The following TSPOAP1 variants were observed in gnomAD, a reference collection of about 807,000 sequenced individuals.
TSPOAP1 encodes peripheral-type benzodiazepine receptor-associated protein 1.
Under a neutral mutation model 197.0 loss-of-function variants are expected in TSPOAP1, and 87 were observed. The observed-to-expected ratio is 0.44, with a 90% CI of 0.37 to 0.53. The LOEUF (loss-of-function observed/expected upper bound fraction) is 0.53, where lower values mean the gene tolerates loss of function less well. Among genes scored for constraint, TSPOAP1 ranks in the 20% least tolerant of loss-of-function variants. The probability of loss-of-function intolerance (pLI) is 0.00; values close to 1 mark genes in which losing one functional copy is unlikely to be tolerated. For synonymous variants in TSPOAP1, 913 were observed against 998.9 expected (o/e 0.91, Z 1.62); for missense variants, 2,174 against 2,411.3 (o/e 0.90, Z 2.06).
Position 58,323,514 on chromosome 17 carries a change from G to T in TSPOAP1, c.974C>A (p.Pro325His). Residue 325 changes from proline to histidine, a missense_variant, in exon 6 of 32, where the codon CCC (proline) becomes CAC (histidine). Pro to His is a moderately conservative substitution (Grantham distance 77). This residue lies in a region of TSPOAP1 where 1,933 missense variants were observed against 2,139.0 expected (regional missense o/e 0.90). Transcript: ENST00000343736. The stretch of plus-strand genomic sequence containing the variant: ...TTTCTCTGGCTCCCCTAGAATCACG[G>T]GTAGGTTGTCCGCATCCTCCTGGGG... Reference protein sequence around the residue: ...ATPQEDADNLPVILGEPEKEQ... With the variant: ...ATPQEDADNLHVILGEPEKEQ... 2 of 1,614,154 alleles carry T rather than the reference G, an allele frequency of 1.2e-6. No individual in the cohort carries two copies. The highest frequency in any genetic ancestry group is 2.7e-5 in the African/African-American group (2 of 75,064).
rs747975958 is a variant in TSPOAP1 at position 58,325,695 on chromosome 17, G to A, written c.589C>T (p.Arg197Trp). The A allele has an allele frequency of 2.8e-5, 45 of 1,609,558 alleles. No individual in the cohort carries two copies. The highest frequency in any genetic ancestry group is 1.7e-4 in the Middle Eastern group (1 of 5,922). Residue 197 changes from arginine (R) to tryptophan (W), a missense_variant, in exon 4 of 32, where the codon CGG (arginine) becomes TGG (tryptophan). Arg to Trp is a moderately radical substitution (Grantham distance 101). This residue lies in a region of TSPOAP1 where 1,933 missense variants were observed against 2,139.0 expected (regional missense o/e 0.90). Coordinates refer to ENST00000343736, the MANE Select transcript of TSPOAP1 (RefSeq NM_004758.4). ...CACAACTCCAAGCTGGTCCCCGGCC[G>A]GGGCAAGGGGGCACTCACCTAGCCA... ...NLRVVSAPLP[R>W]PGTSLELCRK...
chr17:58,305,489 C>T (rs1481461538), intron 28 of TSPOAP1, 31 bp from the exon 29 acceptor site: 6 of 1,613,390 alleles, frequency 3.7e-6, no homozygotes, highest in Non-Finnish European at 5.1e-6. Context: ...GCATCAGGCC[C>T]AGGAAGGCTC....
rs1016490088 is a variant in TSPOAP1, at chr17:58,301,603, G to A, written c.*877C>T. 6.5e-6 allele frequency: 1 copy of A among 152,696 alleles called. No individual in the cohort carries two copies. The highest frequency in any genetic ancestry group is 2.4e-5 in the African/African-American group (1 of 41,464). 9.5% of individuals were successfully genotyped at this position (152,696 alleles called of 1,614,324 possible). ...CCCGCTGGCCCCAGGGTCTTTGGGG[G>A]CGGGACCTTACAGGGGCCAGCAGGC... On this transcript the variant is annotated 3_prime_UTR_variant, in exon 32 of 32. Transcript: ENST00000343736.
Position 58,304,509 on chromosome 17 carries a change from T to G in TSPOAP1, c.5545-110A>C. On this transcript the variant is annotated intron_variant, in intron 30 of 31. Transcript: ENST00000343736. The surrounding 1 kb of genome is among the most constrained non-coding windows in gnomAD (Gnocchi z 4.2). ...GGTGGGCCCTACTCTCCAAGGCCTT[T>G]GTGTTCACACATGGAAGCCCTGAGT... 1.1e-5 allele frequency: 9 copies of G among 828,450 alleles called. No individual in the cohort carries two copies. Among genetic ancestry groups the G allele is most frequent in the Non-Finnish European group, 1.7e-5 (8 of 475,686 alleles). 51.3% of individuals were successfully genotyped at this position (828,450 alleles called of 1,614,324 possible).
chr17:58,309,299 A>G lies in TSPOAP1; in HGVS notation c.3973T>C (p.Cys1325Arg), dbSNP rs776467464. ...QILELPLQQF[C>R]SKKLFSIPEE... Reference sequence around the variant, plus strand: ...GGGATGCTAAAGAGCTTCTTGCTACAGAACTGCTGGAGGGGCAGCTCCAGG... The same window carrying G: ...GGGATGCTAAAGAGCTTCTTGCTACGGAACTGCTGGAGGGGCAGCTCCAGG... Residue 1325 changes from cysteine (C) to arginine (R), a missense_variant, in exon 22 of 32, where the codon TGT (cysteine) becomes CGT (arginine). Physicochemically the swap from Cys to Arg is radical, Grantham distance 180. This residue lies in a region of TSPOAP1 where 1,933 missense variants were observed against 2,139.0 expected (regional missense o/e 0.90). Coordinates refer to ENST00000343736, the MANE Select transcript of TSPOAP1 (RefSeq NM_004758.4). The surrounding 1 kb of genome is among the most constrained non-coding windows in gnomAD (Gnocchi z 5.0). 6.2e-7 allele frequency: 1 copy of G among 1,613,766 alleles called. No homozygotes were observed. Among genetic ancestry groups the G allele is most frequent in the Admixed American group, 1.7e-5 (1 of 60,014 alleles).
chr17:58,326,483 A>C lies in TSPOAP1; in HGVS notation c.442-62T>G. ...AGCACCCCACAGACCCAGTCCTAACAGCCCAAGTCTTGGGCTAGAGCCCTA... is the reference window on the plus strand; with the variant it reads ...AGCACCCCACAGACCCAGTCCTAACCGCCCAAGTCTTGGGCTAGAGCCCTA... On this transcript the variant is annotated intron_variant, in intron 2 of 31. Coordinates refer to ENST00000343736, the MANE Select transcript of TSPOAP1 (RefSeq NM_004758.4). This position sits in a 1 kb window ranked among gnomAD's most constrained non-coding sequence, Gnocchi z 4.7. 6.3e-7 allele frequency: 1 copy of C among 1,596,196 alleles called. No homozygotes were observed.
At position 58,304,410 on chromosome 17, in the gene TSPOAP1, G is replaced by C. The variant is rs763364873; in HGVS notation, c.5545-11C>G. The C allele has an allele frequency of 4.1e-5, 66 of 1,612,582 alleles. No individual in the cohort carries two copies. Among genetic ancestry groups the C allele is most frequent in the Non-Finnish European group, 5.4e-5 (64 of 1,178,724 alleles). On this transcript the variant is annotated splice_polypyrimidine_tract_variant and intron_variant, in intron 30 of 31. Coordinates refer to ENST00000343736, the MANE Select transcript of TSPOAP1 (RefSeq NM_004758.4). This position sits in a 1 kb window ranked among gnomAD's most constrained non-coding sequence, Gnocchi z 4.2. ...TCTCCTCCTCGTTCTCTGAGGACAG[G>C]GAACAAAGAGAGGAGATGGGTTACC...
chr17:58,323,257 G>A (rs1386878800), intron 7 of TSPOAP1, 41 bp downstream of exon 7: 2 of 1,610,544 alleles, frequency 1.2e-6, no homozygotes, highest in Non-Finnish European at 1.7e-6. Context: ...TGGCCGGGGT[G>A]AAGGGAGGAG....
chr17:58,327,577 A>G lies in TSPOAP1; in HGVS notation c.333+11T>C, dbSNP rs1305847590. 1.2e-6 allele frequency: 2 copies of G among 1,607,678 alleles called. No homozygotes were observed. Among genetic ancestry groups the G allele is most frequent in the South Asian group, 2.2e-5 (2 of 90,936 alleles). On this transcript the variant is annotated intron_variant, in intron 1 of 31. Coordinates refer to ENST00000343736, the MANE Select transcript of TSPOAP1 (RefSeq NM_004758.4). ...CACCTTGCAGACCCCAGCCCTCCAC[A>G]GATCCCTTACCTTCAGGAAAGCCTC...
chr17:58,312,714 T>C lies in TSPOAP1; in HGVS notation c.2107A>G (p.Met703Val), dbSNP rs746361631. 11 of 1,612,564 alleles carry C rather than the reference T, an allele frequency of 6.8e-6. No homozygotes were observed. Among genetic ancestry groups the C allele is most frequent in the Non-Finnish European group, 9.3e-6 (11 of 1,179,716 alleles). ...GGGACCAGGCCCCTTCGGCCATCCA[T>C]GAGCTCTCCTGGCAGGAGGAGGACA... ...DEDGFFEGEL[M>V]DGRRGLVPSN... Residue 703 changes from methionine (M) to valine (V), a missense_variant, in exon 17 of 32, where the codon ATG (methionine) becomes GTG (valine). By Grantham distance (21) the Met-to-Val change is conservative. Coordinates refer to ENST00000343736, the MANE Select transcript of TSPOAP1 (RefSeq NM_004758.4).
In TSPOAP1 at chr17:58,303,893, T is replaced by C. The variant is rs1448801840; in HGVS notation, c.*32+445A>G. ...ATCTGATCACCCTAACAGGTCACAA[T>C]GCAGAGGACAAGGGTGGGAAGCCTA... On this transcript the variant is annotated intron_variant, in intron 31 of 31. Coordinates refer to ENST00000343736, the MANE Select transcript of TSPOAP1 (RefSeq NM_004758.4). The C allele has an allele frequency of 1.9e-5, 3 of 155,180 alleles. No homozygotes were observed. In the East Asian group the frequency reaches 5.7e-4, roughly 30 times the overall value. The allele number at this position is 155,180 out of a possible 1,614,324, so 9.6% of individuals were successfully genotyped here.
Position 58,307,944 on chromosome 17 carries a change from G to A in TSPOAP1, c.4732-3C>T, listed in dbSNP as rs896490089. The A allele has an allele frequency of 6.8e-6, 11 of 1,607,448 alleles. No individual in the cohort carries two copies. Among genetic ancestry groups the A allele is most frequent in the Non-Finnish European group, 9.3e-6 (11 of 1,177,306 alleles). On this transcript the variant is annotated splice_region_variant and splice_polypyrimidine_tract_variant and intron_variant, in intron 22 of 31. Transcript: ENST00000343736. ...CTGGCCTCTCCGGTCTCTGTTGCCT[G>A]CAAAAAGAGGGCAACAGATGGCAAA... is the stretch of plus-strand genomic sequence containing the variant.
chr17:58,324,878 G>GGCGGGA lies in TSPOAP1; in HGVS notation c.869_874dup (p.Leu290_Pro291dup), dbSNP rs761226190. 1.3e-6 allele frequency: 2 copies of GGCGGGA among 1,531,728 alleles called. No homozygotes were observed. The highest frequency in any genetic ancestry group is 1.4e-5 in the African/African-American group (1 of 72,908). 94.9% of individuals were successfully genotyped at this position (1,531,728 alleles called of 1,614,324 possible). The stretch of plus-strand genomic sequence containing the variant: ...GAGAGCAGGGCCCGGGGGCCAGGAC[G>GGCGGGA]GCGGGAGCGGGAGCGTCTCCCGCTG... On this transcript the variant is annotated inframe_insertion, in exon 5 of 32. Transcript: ENST00000343736. This position sits in a 1 kb window ranked among gnomAD's most constrained non-coding sequence, Gnocchi z 5.8.
chr17:58,316,588 A>G, intron 14 of TSPOAP1, 48 bp from the exon 15 acceptor site: 1 of 1,484,662 alleles, frequency 6.7e-7, no homozygotes, highest in South Asian at 1.2e-5. Flanking sequence ...CCTGGGGCCA[A>G]GCGCCAAGCA....
chr17:58,319,375 A>G, intron 12 of TSPOAP1, 81 bp from the exon 13 acceptor site: 2 of 1,425,276 alleles, frequency 1.4e-6, no homozygotes, highest in Non-Finnish European at 1.9e-6. Context: ...ACAGCCCTAC[A>G]CTGGGTTTCA....
Position 58,322,239 on chromosome 17 carries a change from G to C in TSPOAP1, c.1422+69C>G. ...GCACAGTGCCGGGCACACAGTAAAT[G>C]CTTGTGGAATGAGTGAGTGGCAAAG... On this transcript the variant is annotated intron_variant, in intron 10 of 31. Transcript: ENST00000343736. The surrounding 1 kb of genome is among the most constrained non-coding windows in gnomAD (Gnocchi z 5.0). The C allele has an allele frequency of 6.8e-7, 1 of 1,478,062 alleles. No individual in the cohort carries two copies. Among genetic ancestry groups the C allele is most frequent in the Non-Finnish European group, 9.3e-7 (1 of 1,074,840 alleles). 91.6% of individuals were successfully genotyped at this position (1,478,062 alleles called of 1,614,324 possible).
At chr17:58,327,062 C>T (rs556624447) in intron 1 of TSPOAP1, among the ~76,000 whole-genome samples, 6 of 152,104 alleles carry the variant, frequency 3.9e-5, no homozygotes, top group Admixed American at 2.6e-4. Flanking sequence ...CAGGGACATG[C>T]GAGCTCGAGC....
At position 58,308,684 on chromosome 17, in the gene TSPOAP1, T is replaced by C. The variant is rs1380227328; in HGVS notation, c.4588A>G (p.Thr1530Ala). The C allele has an allele frequency of 6.2e-7, 1 of 1,612,808 alleles. No homozygotes were observed. ...CCCCTGGGCCTTCCTACAGTTGCTG[T>C]GCCCCAGGCCTCCCCATCTCCAGGG... ...CYPGDGEAWG[T>A]ATVGRPRGPP... is the part of the protein sequence containing the mutation. Residue 1530 changes from threonine to alanine, a missense_variant, in exon 22 of 32, where the codon ACA becomes GCA. Thr to Ala is a moderately conservative substitution (Grantham distance 58). This residue lies in a region of TSPOAP1 where 1,933 missense variants were observed against 2,139.0 expected (regional missense o/e 0.90). Coordinates refer to ENST00000343736, the MANE Select transcript of TSPOAP1 (RefSeq NM_004758.4).
chr17:58,319,996 C>T, intron 12 of TSPOAP1, 113 bp downstream of exon 12: 12 of 1,396,748 alleles, frequency 8.6e-6, no homozygotes, highest in Non-Finnish European at 1.2e-5. Flanking sequence ...CATGCCTGCT[C>T]CCAGTGACAC....
Sources: allele counts gnomAD v4.1 joint callset (sites outside exome capture counted in the v4.1 genomes callset), GRCh38; gene constraint gnomAD v4.1.1; regional missense constraint gnomAD v4.1.1; non-coding constraint Gnocchi (gnomAD v3.1); transcripts MANE v1.5; gene names NCBI Gene and HGNC (gene_info 2026-07-23, HGNC 2026-07-21).